The following TRPC6 variants were observed in gnomAD, a reference collection of about 807,000 sequenced individuals.
The protein encoded by TRPC6 is transient receptor potential cation channel subfamily C member 6.
TRPC6 carries 55 observed loss-of-function variants against 90.7 expected under a neutral mutation model. That is an observed-to-expected ratio of 0.61 (90% CI 0.49 to 0.76). TRPC6 has a LOEUF of 0.76. TRPC6 is among the 30% of genes least tolerant of loss of function. The pLI is 0.00. For synonymous variants in TRPC6, 393 were observed against 393.0 expected, an observed-to-expected ratio of 1.00 and a Z score of 0.00; for missense variants, 989 against 1,122.7, an observed-to-expected ratio of 0.88 and a Z score of 1.70.
chr11:101,491,213 G>T (rs986284320), intron 3 of TRPC6, among the ~76,000 whole-genome samples: 1 of 152,042 alleles, frequency 6.6e-6, no homozygotes, highest in Non-Finnish European at 1.5e-5. Context: ...TTAGGAGGCC[G>T]AGGCGGGCGG....
chr11:101,572,864 G>A (rs1419904312), intron 1 of TRPC6, among the ~76,000 whole-genome samples: 6 of 152,090 alleles, frequency 3.9e-5, no homozygotes, highest in Admixed American at 3.3e-4. Flanking sequence ...TTCAGGGGGT[G>A]AGGGGCTATG....
intron 5 of TRPC6, among the ~76,000 whole-genome samples, 170 bp from the exon 6 acceptor site, chr11:101,476,704 A>G (rs1458480005): frequency 6.6e-6 from 1 of 152,228 alleles, no homozygotes; most frequent in African/African-American, 2.4e-5. Context: ...ATCCTAGTCC[A>G]GAAATATCAG....
intron 1 of TRPC6, among the ~76,000 whole-genome samples, chr11:101,559,335 C>T (rs1861659548): frequency 1.3e-5 from 2 of 152,112 alleles, no homozygotes; most frequent in South Asian, 4.1e-4. Flanking sequence ...TAAATCATAA[C>T]AATACTTTAT....
intron 10 of TRPC6, among the ~76,000 whole-genome samples, chr11:101,465,038 C>T (rs1036532975): frequency 6.6e-6 from 1 of 152,158 alleles, no homozygotes; most frequent in Admixed American, 6.5e-5. Context: ...TTTTATTTCT[C>T]CTTCACTTGT....
At chr11:101,474,528 CAAG>C (rs1859368885) in intron 6 of TRPC6, among the ~76,000 whole-genome samples, 1 of 152,044 alleles carries the variant, frequency 6.6e-6, no homozygotes, top group Non-Finnish European at 1.5e-5. Flanking sequence ...GAGAGGATAA[CAAG>C]AAACTAATAA....
In TRPC6 at chr11:101,452,885, G is replaced by A. The variant is rs1300884486; in HGVS notation, c.*70C>T. Reference sequence around the variant, plus strand: ...AAAAGGTGGGCCCATTGGCACTTAAGAAAATAAATCAGAAAATAATATGGC... The same window carrying A: ...AAAAGGTGGGCCCATTGGCACTTAAAAAAATAAATCAGAAAATAATATGGC... On this transcript the variant is annotated 3_prime_UTR_variant, in exon 13 of 13. Coordinates refer to ENST00000344327, the MANE Select transcript of TRPC6 (RefSeq NM_004621.6). 5.7e-6 allele frequency: 9 copies of A among 1,591,958 alleles called. No individual in the cohort carries two copies. The South Asian group carries it at 8.9e-5, about 16-fold the overall frequency.
rs1859234421 is a variant in TRPC6, at chr11:101,469,487, C to T, written c.2424G>A (p.Lys808=). ...CATGACTTCCTAAAATTCCAAGTTTCTTTTCTTCATTTATCTTTTAAAGAT... is the reference window on the plus strand; with the variant it reads ...CATGACTTCCTAAAATTCCAAGTTTTTTTTCTTCATTTATCTTTTAAAGAT... ...DAEMNKINEE[K]KLGILGSHED... The change falls in exon 10 of 13, where the codon AAG becomes AAA. Residue 808 remains lysine, a synonymous_variant. Coordinates refer to ENST00000344327, the MANE Select transcript of TRPC6 (RefSeq NM_004621.6). The T allele has an allele frequency of 1.3e-6, 1 of 766,820 alleles. No individual in the cohort carries two copies. Among genetic ancestry groups the T allele is most frequent in the Non-Finnish European group, 2.4e-6 (1 of 410,512 alleles). The allele number at this position is 766,820 out of a possible 1,614,324, so 47.5% of individuals were successfully genotyped here.
chr11:101,545,658 C>T (rs1373209612), intron 1 of TRPC6, among the ~76,000 whole-genome samples: 1 of 152,190 alleles, frequency 6.6e-6, no homozygotes, highest in Admixed American at 6.5e-5. Flanking sequence ...ATAAAACACT[C>T]ATCTGGATTC....
rs567733565 is a variant in TRPC6 at position 101,529,790 on chromosome 11, CA to C, written c.171-24993del. Among the ~76,000 whole-genome samples, 177 of 152,278 alleles carry C rather than the reference CA, an allele frequency of 1.2e-3. 1 individual carries two copies. The highest frequency in any genetic ancestry group is 3.9e-3 in the African/African-American group (162 of 41,582). Reference sequence around the variant, plus strand: ...CAGCCATCCACTGATAGAAGTGCCTCAGTGGGAGCTTTGGGATCTAGGGAGC... The same window carrying C: ...CAGCCATCCACTGATAGAAGTGCCTCGTGGGAGCTTTGGGATCTAGGGAGC... On this transcript the variant is annotated intron_variant, in intron 1 of 12. Coordinates refer to ENST00000344327, the MANE Select transcript of TRPC6 (RefSeq NM_004621.6).
chr11:101,498,072 G>A (rs904487523), intron 2 of TRPC6, among the ~76,000 whole-genome samples: 1 of 152,152 alleles, frequency 6.6e-6, no homozygotes, highest in Non-Finnish European at 1.5e-5. Flanking sequence ...ACCATCCCTG[G>A]TATTGATCTC....
At position 101,491,737 on chromosome 11, in the gene TRPC6, T is replaced by C. The variant is rs1350791909; in HGVS notation, c.947A>G (p.Asn316Ser). 1.2e-6 allele frequency: 2 copies of C among 1,613,350 alleles called. No homozygotes were observed. The highest frequency in any genetic ancestry group is 1.7e-6 in the Non-Finnish European group (2 of 1,179,836). Residue 316 changes from asparagine (N) to serine (S), a missense_variant and splice_region_variant, in exon 3 of 13, where the codon AAT (asparagine) becomes AGT (serine). Physicochemically the swap from Asn to Ser is conservative, Grantham distance 46 (BLOSUM62 1). Transcript: ENST00000344327. ...CTGCATTGACAGTTTTTTGTAGTCA[T>C]TCTAGGAAAAACAAAGCAAAACAAA... is the stretch of plus-strand genomic sequence containing the variant. Reference protein sequence around the residue: ...VLANIEKEFKNDYKKLSMQCK... With the variant: ...VLANIEKEFKSDYKKLSMQCK...
chr11:101,567,347 G>GA (rs34489792), intron 1 of TRPC6, among the ~76,000 whole-genome samples: 70,888 of 149,168 alleles, frequency 0.48, 17,530 homozygotes, highest in African/African-American at 0.53. Context: ...GGGCATCTCT[G>GA]AAAAAAAAAA....
rs144885228 is a variant in TRPC6 at position 101,510,901 on chromosome 11, T to C, written c.171-6103A>G. Reference sequence around the variant, plus strand: ...CTTTTATACAAACTAAGCTCCATATTAAGTTCTTAGCTTAACTTTGACTTT... The same window carrying C: ...CTTTTATACAAACTAAGCTCCATATCAAGTTCTTAGCTTAACTTTGACTTT... On this transcript the variant is annotated intron_variant, in intron 1 of 12. Transcript: ENST00000344327. Among the ~76,000 whole-genome samples the C allele has an allele frequency of 2.0e-5, 3 of 152,346 alleles. No homozygotes were observed. The East Asian group carries it at 5.8e-4, about 29-fold the overall frequency.
At chr11:101,536,400 C>G (rs1324441796) in intron 1 of TRPC6, among the ~76,000 whole-genome samples, 2 of 139,332 alleles carry the variant, frequency 1.4e-5, no homozygotes, top group Admixed American at 7.3e-5. Flanking sequence ...GCCCCTCCCT[C>G]CCCCCCACCA....
At chr11:101,473,392 A>C in intron 7 of TRPC6, 117 bp downstream of exon 7, 1 of 1,195,324 alleles carries the variant, frequency 8.4e-7, no homozygotes, top group Non-Finnish European at 1.2e-6. Context: ...TTTGCAAAAC[A>C]GGAACTAGAG....
At chr11:101,478,259 C>T (rs936107025) in intron 5 of TRPC6, among the ~76,000 whole-genome samples, 5 of 152,158 alleles carry the variant, frequency 3.3e-5, no homozygotes, top group Admixed American at 3.3e-4. Flanking sequence ...GACTTCATTA[C>T]TTATTTTGAG....
chr11:101,476,046 T>G (rs1013058041), intron 6 of TRPC6, among the ~76,000 whole-genome samples: 1 of 152,118 alleles, frequency 6.6e-6, no homozygotes, highest in African/African-American at 2.4e-5. Context: ...CCATGAAGTT[T>G]GATAAGTAGC....
At chr11:101,569,864 G>T (rs1343773523) in intron 1 of TRPC6, among the ~76,000 whole-genome samples, 1 of 151,958 alleles carries the variant, frequency 6.6e-6, no homozygotes, top group Non-Finnish European at 1.5e-5. Context: ...GGATGCAGCT[G>T]AATCAGTGTT....
chr11:101,474,148 C>T (rs530299888), intron 6 of TRPC6, among the ~76,000 whole-genome samples: 1 of 152,200 alleles, frequency 6.6e-6, no homozygotes, highest in Non-Finnish European at 1.5e-5. Context: ...TTCTAACTCT[C>T]TTGTCTTCGT....
Sources: allele counts gnomAD v4.1 joint callset (sites outside exome capture counted in the v4.1 genomes callset), GRCh38; gene constraint gnomAD v4.1.1; transcripts MANE v1.5; gene names NCBI Gene and HGNC (gene_info 2026-07-23, HGNC 2026-07-21).